The following MROH2B variants were observed in gnomAD, a reference collection of about 807,000 sequenced individuals.
The protein encoded by MROH2B is maestro heat like repeat family member 2B.
MROH2B carries 177 observed loss-of-function variants against 208.6 expected under a neutral mutation model. That is an observed-to-expected ratio of 0.85 (90% CI 0.75 to 0.96). The LOEUF is 0.96. Ranked by LOEUF, MROH2B falls within the 40% of genes least tolerant of loss-of-function variation. The pLI is 0.00. For synonymous variants in MROH2B, 728 were observed against 659.0 expected (o/e 1.10, Z -1.60); for missense variants, 2,002 against 1,878.7 (o/e 1.07, Z -1.21).
chr5:41,058,105 C>G lies in MROH2B; in HGVS notation c.714G>C (p.Leu238=), dbSNP rs1450479498. The part of the protein sequence containing the change: ...GYALGQVPWL[L]NQYKDKEIDF... The stretch of plus-strand genomic sequence containing the variant: ...CAATCTCTTTGTCTTTATACTGGTT[C>G]AGGAGCCAGGGCACCTGGCCCAGGG... The change falls in exon 7 of 42, where the codon CTG becomes CTC. Residue 238 remains leucine, a synonymous_variant. Coordinates refer to ENST00000399564, the MANE Select transcript of MROH2B (RefSeq NM_173489.5). 1 of 1,605,752 alleles carries G rather than the reference C, an allele frequency of 6.2e-7. No homozygotes were observed. Among genetic ancestry groups the G allele is most frequent in the Non-Finnish European group, 8.5e-7 (1 of 1,176,016 alleles).
intron 28 of MROH2B, among the ~76,000 whole-genome samples, chr5:41,017,317 AGCTCCTGCTC>A (rs2111864967): frequency 2.6e-5 from 4 of 152,246 alleles, no homozygotes; most frequent in African/African-American, 9.6e-5. Context: ...GAGCAGGAGG[AGCTCCTGCTC>A]TGAAAATTTC....
chr5:41,060,730 G>A (rs1037485830), intron 6 of MROH2B, among the ~76,000 whole-genome samples: 12 of 152,190 alleles, frequency 7.9e-5, no homozygotes, highest in Admixed American at 1.3e-4. Flanking sequence ...AGGGAGCAAG[G>A]AGAGTAGTCG....
At chr5:41,027,372 G>C (rs1017850799) in intron 24 of MROH2B, among the ~76,000 whole-genome samples, 1 of 152,066 alleles carries the variant, frequency 6.6e-6, no homozygotes, top group African/African-American at 2.4e-5. Context: ...TCAAAAAGTG[G>C]GCAAAGGATA....
In MROH2B at chr5:41,069,576, A is replaced by G. The variant is rs1743919017; in HGVS notation, c.90+115T>C. 5.3e-6 allele frequency: 4 copies of G among 755,078 alleles called. No individual in the cohort carries two copies. The South Asian group carries it at 6.7e-5, about 13-fold the overall frequency. 46.8% of individuals were successfully genotyped at this position (755,078 alleles called of 1,614,324 possible). A position where few individuals can be genotyped will look rare whatever the true frequency, so the allele number is the denominator to read the frequency against. On this transcript the variant is annotated intron_variant, in intron 2 of 41. Transcript: ENST00000399564. ...ACAACTGCATTTACTGAAAAATCTA[A>G]TGCCATGTAACAAGCCAGAGAAAAA...
chr5:41,069,575 A>G (rs1743918950), intron 2 of MROH2B, 116 bp downstream of exon 2: 3 of 748,976 alleles, frequency 4.0e-6, no homozygotes, highest in Non-Finnish European at 6.8e-6. Flanking sequence ...TGAAAAATCT[A>G]ATGCCATGTA....
At chr5:41,060,027 G>T (rs747428061) in intron 6 of MROH2B, among the ~76,000 whole-genome samples, 3 of 152,088 alleles carry the variant, frequency 2.0e-5, no homozygotes, top group Non-Finnish European at 4.4e-5. Context: ...AACCCATTTT[G>T]TACTGTCCCA....
At chr5:41,001,727 A>AG (rs1554046251) in intron 37 of MROH2B, among the ~76,000 whole-genome samples, 1 of 151,060 alleles carries the variant, frequency 6.6e-6, no homozygotes, top group Non-Finnish European at 1.5e-5. Context: ...AAAAAAAGAA[A>AG]GAAAAAAAAA....
intron 36 of MROH2B, 80 bp downstream of exon 36, chr5:41,004,694 C>T: frequency 6.5e-7 from 1 of 1,549,552 alleles, no homozygotes; most frequent in African/African-American, 1.4e-5. Flanking sequence ...AATTTGTATG[C>T]AACAACTAGG....
At chr5:41,056,587 C>T (rs76644938) in intron 9 of MROH2B, among the ~76,000 whole-genome samples, 11,693 of 151,596 alleles carry the variant, frequency 0.077, 609 homozygotes, top group Middle Eastern at 0.13. Flanking sequence ...TGGTGCCCCC[C>T]GTGCATCCCA....
intron 13 of MROH2B, among the ~76,000 whole-genome samples, chr5:41,050,208 G>A (rs930255251): frequency 6.6e-6 from 1 of 152,126 alleles, no homozygotes; most frequent in Non-Finnish European, 1.5e-5. Context: ...CGTTTTAAAT[G>A]TTTAGCTCTT....
At chr5:41,047,297 T>A (rs1326431292) in intron 17 of MROH2B, among the ~76,000 whole-genome samples, 1 of 152,110 alleles carries the variant, frequency 6.6e-6, no homozygotes, top group Non-Finnish European at 1.5e-5. Flanking sequence ...CCTTTGTTTT[T>A]TGGATATTAG....
chr5:41,051,197 CAACTT>C (rs1743273851), intron 12 of MROH2B, 107 bp from the exon 13 acceptor site: 5 of 553,272 alleles, frequency 9.0e-6, no homozygotes, highest in Non-Finnish European at 1.5e-5. Flanking sequence ...TGTAGTCACT[CAACTT>C]AAGGGGCTCA....
At chr5:41,027,428 A>T (rs959858408) in intron 24 of MROH2B, among the ~76,000 whole-genome samples, 1 of 151,584 alleles carries the variant, frequency 6.6e-6, no homozygotes, top group Non-Finnish European at 1.5e-5. Context: ...GCCAACAGAC[A>T]CATGAAAAAA....
chr5:41,039,288 A>G (rs979291125), intron 20 of MROH2B, among the ~76,000 whole-genome samples, 160 bp downstream of exon 20: 6 of 152,170 alleles, frequency 3.9e-5, no homozygotes, highest in Non-Finnish European at 7.4e-5. Flanking sequence ...GACTTTTCAT[A>G]TAGCTAATCA....
At chr5:41,055,939 T>C (rs954499451) in intron 9 of MROH2B, 84 bp from the exon 10 acceptor site, 3 of 943,008 alleles carry the variant, frequency 3.2e-6, no homozygotes, top group South Asian at 1.4e-5. Context: ...AAATTCACCA[T>C]GAAGATTATC....
In MROH2B at chr5:41,040,494, T is replaced by C. The variant is rs191954519; in HGVS notation, c.1954-939A>G. 5.6e-4 allele frequency among the ~76,000 whole-genome samples: 85 copies of C among 152,286 alleles called. 1 individual carries two copies. The South Asian group carries it at 8.5e-3, about 15-fold the overall frequency. On this transcript the variant is annotated intron_variant, in intron 19 of 41. Coordinates refer to ENST00000399564, the MANE Select transcript of MROH2B (RefSeq NM_173489.5). ...CTCTGGCCTCACATGATTGAAAGCA[T>C]TATGCTTAGGAGATTGAAAACCAAG...
chr5:41,046,396 C>G (rs1333751468), intron 17 of MROH2B, among the ~76,000 whole-genome samples: 1 of 151,982 alleles, frequency 6.6e-6, no homozygotes, highest in Non-Finnish European at 1.5e-5. Context: ...CACAATCAGT[C>G]CTTTGAACCC....
At position 41,048,419 on chromosome 5, in the gene MROH2B, G is replaced by T; in HGVS notation, c.1589C>A (p.Ala530Glu). Residue 530 changes from alanine to glutamate, a missense_variant, in exon 16 of 42, where the codon GCA (alanine) becomes GAA (glutamate). Physicochemically the swap from Ala to Glu is moderately radical, Grantham distance 107. Transcript: ENST00000399564. Reference sequence around the variant, plus strand: ...AGGCAGTATCTTCAAAAGCCCTATTGCACCAGCCCCACGTAACTCCCCTAA... The same window carrying T: ...AGGCAGTATCTTCAAAAGCCCTATTTCACCAGCCCCACGTAACTCCCCTAA... ...ASLGELRGAG[A>E]IGLLKILPEI... The T allele has an allele frequency of 6.2e-7, 1 of 1,613,516 alleles. No homozygotes were observed. The highest frequency in any genetic ancestry group is 1.3e-5 in the African/African-American group (1 of 74,986).
At chr5:41,030,096 A>C (rs58751670) in intron 24 of MROH2B, among the ~76,000 whole-genome samples, 1 of 152,044 alleles carries the variant, frequency 6.6e-6, no homozygotes, top group Non-Finnish European at 1.5e-5. Context: ...AATTAAAAAA[A>C]ATATTATAAT....
Sources: allele counts gnomAD v4.1 joint callset (sites outside exome capture counted in the v4.1 genomes callset), GRCh38; gene constraint gnomAD v4.1.1; transcripts MANE v1.5; gene names NCBI Gene and HGNC (gene_info 2026-07-23, HGNC 2026-07-21).